The following ZNF704 variants were observed in gnomAD, a reference collection of about 807,000 sequenced individuals.
The protein encoded by ZNF704 is glucocorticoid induced gene 1.
In ZNF704, 10 loss-of-function variants were observed where a neutral mutation model predicts 44.7. The observed-to-expected ratio is 0.22, with a 90% CI of 0.14 to 0.38. ZNF704 has a LOEUF of 0.38. Among genes scored for constraint, ZNF704 ranks in the 10% least tolerant of loss-of-function variants. ZNF704 has a pLI of 1.00. For missense variants in ZNF704, 390 were observed against 545.5 expected (o/e 0.71, Z 2.84); for synonymous variants, 211 against 207.6 (o/e 1.02, Z -0.14).
At chr8:80,691,438 G>A (rs544216665) in intron 3 of ZNF704, among the ~76,000 whole-genome samples, 1 of 152,280 alleles carries the variant, frequency 6.6e-6, no homozygotes, top group South Asian at 2.1e-4. Context: ...TGAAGCATCA[G>A]ACACTTCTCC....
intron 1 of ZNF704, among the ~76,000 whole-genome samples, chr8:80,841,439 A>G (rs1315445136): frequency 6.6e-6 from 1 of 151,862 alleles, no homozygotes; most frequent in African/African-American, 2.4e-5. Flanking sequence ...TGCTACCCCC[A>G]ACACATATTT....
intron 2 of ZNF704, among the ~76,000 whole-genome samples, chr8:80,821,002 AC>A (rs1328231760): frequency 1.3e-5 from 2 of 152,200 alleles, no homozygotes; most frequent in Non-Finnish European, 2.9e-5. Context: ...TAGTTTACCA[AC>A]CTCTGACCAA....
chr8:80,832,466 A>AT (rs2129931248), intron 1 of ZNF704, among the ~76,000 whole-genome samples: 1 of 152,294 alleles, frequency 6.6e-6, no homozygotes, highest in East Asian at 1.9e-4. Context: ...GGCCACCTTA[A>AT]TCCTCACACT....
At chr8:80,761,220 G>A (rs563299575) in intron 2 of ZNF704, among the ~76,000 whole-genome samples, 17 of 152,242 alleles carry the variant, frequency 1.1e-4, no homozygotes, top group African/African-American at 3.4e-4. Context: ...ACCAAATGCC[G>A]ACACCTTGAT....
chr8:80,775,283 T>C (rs1345633563), intron 2 of ZNF704, among the ~76,000 whole-genome samples: 2 of 152,164 alleles, frequency 1.3e-5, no homozygotes, highest in Non-Finnish European at 2.9e-5. Flanking sequence ...GTAAGAAAGA[T>C]TATGGGTTTT....
chr8:80,871,975 T>C (rs1177759969), intron 1 of ZNF704, among the ~76,000 whole-genome samples: 3 of 152,246 alleles, frequency 2.0e-5, no homozygotes, highest in Non-Finnish European at 2.9e-5. Flanking sequence ...CTCATTATTC[T>C]GTTTTTACGG....
chr8:80,692,095 C>T, intron 3 of ZNF704, among the ~76,000 whole-genome samples: 1 of 152,134 alleles, frequency 6.6e-6, no homozygotes. Flanking sequence ...GCTCCCATAG[C>T]CTCAGCATAA....
chr8:80,685,183 C>T (rs1375121534), intron 4 of ZNF704, among the ~76,000 whole-genome samples: 3 of 151,624 alleles, frequency 2.0e-5, no homozygotes, highest in Non-Finnish European at 4.4e-5. Context: ...AAAAAGGAAG[C>T]TTTTTTCCTT....
Position 80,687,259 on chromosome 8 carries a change from C to A in ZNF704, c.525G>T (p.Leu175=), listed in dbSNP as rs773915789. Reference sequence around the variant, plus strand: ...TCCTGGGAATGGGCTCGTCGAAGAGCAGGTTGCTGGCCTCCGCCTCGTCGA... The same window carrying A: ...TCCTGGGAATGGGCTCGTCGAAGAGAAGGTTGCTGGCCTCCGCCTCGTCGA... The part of the protein sequence containing the change: ...DGIDEAEASN[L]LFDEPIPRKR... The change falls in exon 4 of 9, where the codon CTG becomes CTT. Residue 175 remains leucine (L), a synonymous_variant. Coordinates refer to ENST00000327835, the MANE Select transcript of ZNF704 (RefSeq NM_001033723.3). The A allele has an allele frequency of 2.5e-6, 4 of 1,612,814 alleles. No homozygotes were observed. The Admixed American group carries it at 6.7e-5, about 27-fold the overall frequency.
chr8:80,706,480 T>C (rs528003007), intron 2 of ZNF704, among the ~76,000 whole-genome samples: 1 of 152,366 alleles, frequency 6.6e-6, no homozygotes, highest in African/African-American at 2.4e-5. Flanking sequence ...GTGACAGTTG[T>C]AGCTATTTTA....
At chr8:80,739,973 C>T (rs767272664) in intron 2 of ZNF704, among the ~76,000 whole-genome samples, 5 of 152,088 alleles carry the variant, frequency 3.3e-5, no homozygotes, top group African/African-American at 4.8e-5. Flanking sequence ...ATGCCATCAC[C>T]CTCACAGAAC....
At chr8:80,653,871 C>T (rs530076428) in intron 7 of ZNF704, among the ~76,000 whole-genome samples, 6 of 152,210 alleles carry the variant, frequency 3.9e-5, no homozygotes, top group East Asian at 1.9e-4. Flanking sequence ...AAAAAGAGCC[C>T]GCATTGCCAA....
intron 2 of ZNF704, among the ~76,000 whole-genome samples, chr8:80,752,324 A>AC (rs950653908): frequency 4.6e-5 from 7 of 152,034 alleles, no homozygotes; most frequent in Non-Finnish European, 8.8e-5. Context: ...GAAAAAAAAA[A>AC]CAACACAAAG....
chr8:80,782,846 G>A (rs939035907), intron 2 of ZNF704, among the ~76,000 whole-genome samples: 1 of 151,978 alleles, frequency 6.6e-6, no homozygotes, highest in Non-Finnish European at 1.5e-5. Context: ...GTCCCTCTAT[G>A]TGGGTTTTGC....
At chr8:80,792,170 C>T (rs1807720112) in intron 2 of ZNF704, among the ~76,000 whole-genome samples, 1 of 151,894 alleles carries the variant, frequency 6.6e-6, no homozygotes. Flanking sequence ...CAAGGTGGTC[C>T]CATTTTCCCC....
At chr8:80,818,783 T>C (rs1029177167) in intron 2 of ZNF704, among the ~76,000 whole-genome samples, 3 of 152,226 alleles carry the variant, frequency 2.0e-5, no homozygotes, top group Admixed American at 1.3e-4. Flanking sequence ...TGTCAACAGA[T>C]ATATTTCTTC....
At chr8:80,679,436 T>C (rs1585946248) in intron 4 of ZNF704, among the ~76,000 whole-genome samples, 1 of 152,186 alleles carries the variant, frequency 6.6e-6, no homozygotes, top group East Asian at 1.9e-4. Context: ...GGTCCAAGCC[T>C]GCCCAAGAAA....
intron 2 of ZNF704, among the ~76,000 whole-genome samples, chr8:80,743,279 C>A (rs533432635): frequency 6.8e-6 from 1 of 147,410 alleles, no homozygotes; most frequent in Admixed American, 6.7e-5. Context: ...GACATTAACA[C>A]GTTCTTATCA....
At chr8:80,647,450 T>G (rs968233890) in intron 7 of ZNF704, among the ~76,000 whole-genome samples, 2 of 151,430 alleles carry the variant, frequency 1.3e-5, no homozygotes, top group Non-Finnish European at 2.9e-5. Flanking sequence ...AAGTAAGCCA[T>G]TGGAGTGTTT....
Sources: gnomAD v4.1 joint callset for allele counts (sites outside exome capture counted in the v4.1 genomes callset) on GRCh38, gnomAD v4.1.1 for gene constraint, MANE v1.5 for transcripts, NCBI Gene and HGNC (gene_info 2026-07-23, HGNC 2026-07-21) for gene names.